Variants in TENM2 observed in about 807,000 individuals in gnomAD.
TENM2 encodes teneurin-2.
A neutral mutation model predicts 245.2 loss-of-function variants in TENM2; 52 were observed. The observed-to-expected ratio is 0.21, with a 90% confidence interval of 0.17 to 0.27. The LOEUF is 0.27. TENM2 is among the 10% of genes least tolerant of loss of function. The pLI, the probability that TENM2 is intolerant of heterozygous loss-of-function variation, is 1.00. For missense variants in TENM2, 3,046 were observed against 3,666.8 expected (o/e 0.83, Z 4.37); for synonymous variants, 1,363 against 1,438.9 (o/e 0.95, Z 1.19).
intron 5 of TENM2, among the ~76,000 whole-genome samples, chr5:168,014,123 C>G (rs940636081): frequency 3.3e-5 from 5 of 152,142 alleles, no homozygotes; most frequent in African/African-American, 1.2e-4. Context: ...AGAACTTCAA[C>G]ATTTGTGAAG....
intron 3 of TENM2, among the ~76,000 whole-genome samples, chr5:167,934,065 G>A (rs1778503532): frequency 6.6e-6 from 1 of 152,100 alleles, no homozygotes; most frequent in African/African-American, 2.4e-5. Flanking sequence ...TATAGGAGGT[G>A]GTACTTGATC....
intron 4 of TENM2, among the ~76,000 whole-genome samples, chr5:167,977,948 G>T (rs1782562511): frequency 6.6e-6 from 1 of 152,124 alleles, no homozygotes; most frequent in Non-Finnish European, 1.5e-5. Context: ...TCAACTTGGT[G>T]CCTTCCTCCC....
At chr5:167,623,626 T>C (rs1235352462) in intron 2 of TENM2, among the ~76,000 whole-genome samples, 4 of 152,168 alleles carry the variant, frequency 2.6e-5, no homozygotes, top group African/African-American at 9.7e-5. Context: ...TGCTTCACAT[T>C]GTTCTCGGAA....
rs1177531635 is a variant in TENM2 at position 168,047,416 on chromosome 5, C to T, written c.1187-11C>T. On this transcript the variant is annotated splice_polypyrimidine_tract_variant and intron_variant, in intron 5 of 28. Transcript: ENST00000518659. ...TCTATTCATATTTTCATTACTTTGT[C>T]TCTCCTGCAGCAATGCATCTGCTCG... 1.0e-5 allele frequency: 16 copies of T among 1,551,658 alleles called. No homozygotes were observed. The highest frequency in any genetic ancestry group is 5.9e-5 in the South Asian group (5 of 84,054).
At chr5:167,314,191 C>T (rs976748124) in intron 1 of TENM2, among the ~76,000 whole-genome samples, 3 of 152,064 alleles carry the variant, frequency 2.0e-5, no homozygotes, top group African/African-American at 7.2e-5. Context: ...TTTTTCCCAC[C>T]TGCATTCCTA....
intron 1 of TENM2, among the ~76,000 whole-genome samples, chr5:167,317,116 A>G (rs1464580380): frequency 6.6e-6 from 1 of 152,014 alleles, no homozygotes; most frequent in East Asian, 1.9e-4. Context: ...CTAAACCAGT[A>G]GACGTCCCTA....
intron 2 of TENM2, among the ~76,000 whole-genome samples, chr5:167,872,522 AAGAAAG>A (rs1206952137): frequency 1.4e-4 from 7 of 50,008 alleles, no homozygotes; most frequent in African/African-American, 3.8e-4. Context: ...GAAAGAAAGA[AAGAAAG>A]AAAGAAAGAA....
chr5:167,001,492 A>G, the TENM2 span, among the ~76,000 whole-genome samples: 2 of 151,948 alleles, frequency 1.3e-5, no homozygotes. Flanking sequence ...ATCTGCCATT[A>G]TACTCCATTG....
intron 18 of TENM2, 63 bp from the exon 21 acceptor site, chr5:168,204,309 G>C: frequency 6.5e-7 from 1 of 1,544,202 alleles, no homozygotes; most frequent in Non-Finnish European, 8.8e-7. Context: ...CCTCCCAGTT[G>C]GCCAATACAC....
At chr5:167,023,338 T>G in the TENM2 span, among the ~76,000 whole-genome samples, 1 of 152,210 alleles carries the variant, frequency 6.6e-6, no homozygotes, top group African/African-American at 2.4e-5. Flanking sequence ...ATGCTTGACT[T>G]AATATGTAAA....
chr5:167,929,107 AAGAAAGAAAGAAAGAAAG>A (rs1778060913), intron 3 of TENM2, among the ~76,000 whole-genome samples: 2 of 144,132 alleles, frequency 1.4e-5, no homozygotes, highest in African/African-American at 2.6e-5. Flanking sequence ...GAAAGAAAGA[AAGAAAGAAAGAAAGAAAG>A]AAAGAAAAGA....
intron 1 of TENM2, among the ~76,000 whole-genome samples, chr5:167,352,744 T>C (rs1221099855): frequency 6.6e-6 from 1 of 152,226 alleles, no homozygotes; most frequent in East Asian, 1.9e-4. Flanking sequence ...GCTAATAACG[T>C]CTTTGTGAGG....
At chr5:168,096,246 A>C (rs1793363717) in intron 8 of TENM2, among the ~76,000 whole-genome samples, 1 of 152,230 alleles carries the variant, frequency 6.6e-6, no homozygotes, top group Non-Finnish European at 1.5e-5. Flanking sequence ...CCCAGGGAGA[A>C]TGATCTCCCA....
At chr5:167,115,161 A>G in the TENM2 span, among the ~76,000 whole-genome samples, 378 of 152,310 alleles carry the variant, frequency 2.5e-3, 6 homozygotes, top group African/African-American at 8.8e-3. Flanking sequence ...AATTTGCACA[A>G]TAAAGGAAAG....
At chr5:167,785,453 C>A (rs13361271) in intron 2 of TENM2, among the ~76,000 whole-genome samples, 9,411 of 152,218 alleles carry the variant, frequency 0.062, 949 homozygotes, top group African/African-American at 0.21. Context: ...GAGTAGCTAA[C>A]ACACAATTGA....
At position 167,635,633 on chromosome 5, in the gene TENM2, C is replaced by CTTTTTTTTTTTTT. The variant is rs76155764; in HGVS notation, c.503-240336_503-240324dup. On this transcript the variant is annotated intron_variant, in intron 2 of 28. Transcript: ENST00000518659. ...GGAATCTGGCTATGATCAGTACAGT[C>CTTTTTTTTTTTTT]TTTTTTTTTTTTTTTTTTTTTTTTT... 1.5e-3 allele frequency among the ~76,000 whole-genome samples: 111 copies of CTTTTTTTTTTTTT among 74,928 alleles called. 15 individuals are homozygous for CTTTTTTTTTTTTT. Among genetic ancestry groups the CTTTTTTTTTTTTT allele is most frequent in the East Asian group, 5.3e-3 (9 of 1,710 alleles). 49.2% of individuals were successfully genotyped at this position (74,928 alleles called of 152,430 possible).
At chr5:167,379,522 C>T (rs541109381) in intron 2 of TENM2, among the ~76,000 whole-genome samples, 13 of 152,190 alleles carry the variant, frequency 8.5e-5, no homozygotes, top group African/African-American at 2.4e-4. Context: ...AGCATTGGAG[C>T]GTTTCTTAAG....
At chr5:168,107,614 T>G (rs1228164622) in intron 9 of TENM2, among the ~76,000 whole-genome samples, 1 of 152,068 alleles carries the variant, frequency 6.6e-6, no homozygotes, top group Non-Finnish European at 1.5e-5. Flanking sequence ...AGATCACATT[T>G]CTTAGAATGA....
intron 2 of TENM2, among the ~76,000 whole-genome samples, chr5:167,435,543 T>C (rs1055275526): frequency 2.0e-5 from 3 of 152,206 alleles, no homozygotes; most frequent in African/African-American, 4.8e-5. Context: ...TTACCCACTC[T>C]GGGGGTATGT....
Sources: allele counts gnomAD v4.1 joint callset (sites outside exome capture counted in the v4.1 genomes callset), GRCh38; gene constraint gnomAD v4.1.1; transcripts MANE v1.5; gene names NCBI Gene and HGNC (gene_info 2026-07-23, HGNC 2026-07-21).